COG7: variants seen among roughly 807,000 people sequenced by gnomAD.
The protein encoded by COG7 is conserved oligomeric Golgi complex subunit 7.
Under a neutral mutation model 91.5 loss-of-function variants are expected in COG7, and 49 were observed. The observed-to-expected ratio is 0.54, with a 90% CI of 0.43 to 0.68. COG7 has a LOEUF of 0.68. Ranked by LOEUF, COG7 falls within the 30% of genes least tolerant of loss-of-function variation. COG7 has a pLI of 0.00. For missense variants in COG7, 895 were observed against 961.3 expected (o/e 0.93, Z 0.91); for synonymous variants, 365 against 388.7 (o/e 0.94, Z 0.72).
chr16:23,444,179 G>A (rs1288529745), intron 3 of COG7, among the ~76,000 whole-genome samples: 1 of 151,756 alleles, frequency 6.6e-6, no homozygotes, highest in Non-Finnish European at 1.5e-5. Context: ...ACTAAGGTGG[G>A]GGTCAGGGTT....
In COG7 at chr16:23,408,132, G is replaced by T. The variant is rs561512998; in HGVS notation, c.1476-1870C>A. 2.6e-3 allele frequency among the ~76,000 whole-genome samples: 85 copies of T among 32,764 alleles called. 1 individual carries two copies. Among genetic ancestry groups the T allele is most frequent in the Non-Finnish European group, 3.9e-3 (68 of 17,584 alleles). 21.5% of individuals were successfully genotyped at this position (32,764 alleles called of 152,430 possible). On this transcript the variant is annotated intron_variant, in intron 11 of 16. Transcript: ENST00000307149. Reference sequence around the variant, plus strand: ...GTGGGGCGAGAGATAGGGGCGAGTGGGGCGGGAGGCAGGGGGCGAGTGTGG... The same window carrying T: ...GTGGGGCGAGAGATAGGGGCGAGTGTGGCGGGAGGCAGGGGGCGAGTGTGG...
chr16:23,432,655 A>C (rs1381540774), intron 6 of COG7, among the ~76,000 whole-genome samples: 2 of 152,232 alleles, frequency 1.3e-5, no homozygotes, highest in African/African-American at 2.4e-5. Context: ...CAACGGTTTA[A>C]AACCTTTATG....
At chr16:23,445,658 CA>C (rs983032551) in intron 2 of COG7, among the ~76,000 whole-genome samples, 154 bp downstream of exon 2, 7 of 146,282 alleles carry the variant, frequency 4.8e-5, no homozygotes, top group South Asian at 2.2e-4. Context: ...CACTCTGTCT[CA>C]AAAAAAAAAG....
intron 7 of COG7, among the ~76,000 whole-genome samples, chr16:23,419,053 T>C (rs1963706037): frequency 6.6e-6 from 1 of 152,226 alleles, no homozygotes; most frequent in Admixed American, 6.5e-5. Flanking sequence ...TAAAGCACTA[T>C]TAAAGACACC....
At chr16:23,406,698 G>A (rs1963469173) in intron 11 of COG7, among the ~76,000 whole-genome samples, 1 of 152,234 alleles carries the variant, frequency 6.6e-6, no homozygotes, top group Admixed American at 6.5e-5. Flanking sequence ...GGCTCCTAGA[G>A]AACAGTGACA....
rs1417060154 is a variant in COG7, at chr16:23,434,621, C to T, written c.687+15G>A. On this transcript the variant is annotated intron_variant, in intron 5 of 16. Coordinates refer to ENST00000307149, the MANE Select transcript of COG7 (RefSeq NM_153603.4). ...TTCCACAACTGCACAACTGTCATCG[C>T]GCACAGCTTCTTACCTTGTGACACT... 1.9e-6 allele frequency: 3 copies of T among 1,598,084 alleles called. No homozygotes were observed. Among genetic ancestry groups the T allele is most frequent in the African/African-American group, 1.3e-5 (1 of 74,712 alleles).
intron 16 of COG7, chr16:23,390,021 A>G (rs968492971): frequency 1.3e-5 from 2 of 152,120 alleles, no homozygotes; most frequent in Non-Finnish European, 2.9e-5. Flanking sequence ...GGAAACGAAC[A>G]TGAGAGCACC....
chr16:23,434,730 A>G lies in COG7; in HGVS notation c.605-12T>C. Reference sequence around the variant, plus strand: ...CACTTTGGACTGATCTAAAGAACATACAATGTATATATACTGTTACCAGCC... The same window carrying G: ...CACTTTGGACTGATCTAAAGAACATGCAATGTATATATACTGTTACCAGCC... On this transcript the variant is annotated splice_polypyrimidine_tract_variant and intron_variant, in intron 4 of 16. Coordinates refer to ENST00000307149, the MANE Select transcript of COG7 (RefSeq NM_153603.4). 6.3e-7 allele frequency: 1 copy of G among 1,584,038 alleles called. No individual in the cohort carries two copies. The highest frequency in any genetic ancestry group is 1.1e-5 in the South Asian group (1 of 90,524).
In COG7 at chr16:23,406,169, G is replaced by A; in HGVS notation, c.1569C>T (p.Asn523=). 1.9e-6 allele frequency: 3 copies of A among 1,613,906 alleles called. No individual in the cohort carries two copies. Among genetic ancestry groups the A allele is most frequent in the Non-Finnish European group, 2.5e-6 (3 of 1,179,790 alleles). ...ATTCTTGCCATGGGTTCTTGGCAGA[G>A]TTCTTCTTGTCTGTCAAGATGCTCT... ...FQESILTDKK[N]SAKNPWQEYN... Residue 523 remains asparagine (N), a synonymous_variant, in exon 12 of 17, where the codon AAC becomes AAT. Coordinates refer to ENST00000307149, the MANE Select transcript of COG7 (RefSeq NM_153603.4).
intron 16 of COG7, chr16:23,392,153 C>T: frequency 7.0e-7 from 1 of 1,428,856 alleles, no homozygotes; most frequent in Non-Finnish European, 9.2e-7. Context: ...CAACGGTTCT[C>T]AAGTCCTCTT....
At chr16:23,391,357 G>A (rs1262610857) in intron 16 of COG7, among the ~76,000 whole-genome samples, 5 of 152,156 alleles carry the variant, frequency 3.3e-5, no homozygotes, top group Admixed American at 2.0e-4. Context: ...ACACCAACAC[G>A]CATTTGAATT....
intron 13 of COG7, among the ~76,000 whole-genome samples, chr16:23,398,533 T>C (rs936063478): frequency 1.2e-4 from 19 of 152,118 alleles, no homozygotes; most frequent in Non-Finnish European, 2.2e-4. Flanking sequence ...CACTACTTCG[T>C]GGGTCCTTAG....
intron 12 of COG7, 39 bp downstream of exon 12, chr16:23,406,036 GC>G (rs773927711): frequency 3.2e-6 from 5 of 1,581,382 alleles, no homozygotes; most frequent in Non-Finnish European, 4.3e-6. Context: ...ATGAGAAGAA[GC>G]CTTTCATTTG....
intron 6 of COG7, among the ~76,000 whole-genome samples, chr16:23,428,754 C>T (rs1310165722): frequency 6.8e-6 from 1 of 147,822 alleles, no homozygotes; most frequent in South Asian, 2.2e-4. Flanking sequence ...TGCAATGGTG[C>T]GATCTTGGCT....
chr16:23,403,799 T>C lies in COG7; in HGVS notation c.1698A>G (p.Ala566=). ...TAAGCCGAGTCAGCGCTGCTCGAGG[T>C]GCAGCCAGCAGGTTGTGGTTGCTTG... The part of the protein sequence containing the change: ...KGSSNHNLLA[A]PRAALTRLNQ... Residue 566 remains alanine, a synonymous_variant, in exon 13 of 17, where the codon GCA becomes GCG. Coordinates refer to ENST00000307149, the MANE Select transcript of COG7 (RefSeq NM_153603.4). 1.2e-6 allele frequency: 2 copies of C among 1,614,222 alleles called. No homozygotes were observed. Among genetic ancestry groups the C allele is most frequent in the South Asian group, 2.2e-5 (2 of 91,090 alleles).
chr16:23,405,038 T>A (rs1963437093), intron 12 of COG7, among the ~76,000 whole-genome samples: 1 of 152,202 alleles, frequency 6.6e-6, no homozygotes, highest in Non-Finnish European at 1.5e-5. Context: ...CTGCAAAGGA[T>A]GCCCACGGTC....
intron 4 of COG7, among the ~76,000 whole-genome samples, chr16:23,436,766 C>T (rs1964019666): frequency 6.6e-6 from 1 of 152,074 alleles, no homozygotes; most frequent in Non-Finnish European, 1.5e-5. Context: ...TAAAGAACTA[C>T]CTCAGCCTTC....
At chr16:23,424,706 C>G in intron 7 of COG7, 43 bp downstream of exon 7, 1 of 1,594,946 alleles carries the variant, frequency 6.3e-7, no homozygotes, top group Non-Finnish European at 8.6e-7. Context: ...TCAGAAAGAG[C>G]GAGTAAAGAC....
chr16:23,424,297 CAAAA>C (rs398042083), intron 7 of COG7, among the ~76,000 whole-genome samples: 3 of 48,662 alleles, frequency 6.2e-5, no homozygotes, highest in African/African-American at 1.6e-4. Flanking sequence ...AACTCCATCT[CAAAA>C]AAAAAAAAAA....
Sources: gnomAD v4.1 joint callset for allele counts (sites outside exome capture counted in the v4.1 genomes callset) on GRCh38, gnomAD v4.1.1 for gene constraint, MANE v1.5 for transcripts, NCBI Gene and HGNC (gene_info 2026-07-23, HGNC 2026-07-21) for gene names.